The following HPSE2 variants were observed in gnomAD, a reference collection of about 807,000 sequenced individuals.
HPSE2 encodes heparanase 2 (inactive).
HPSE2 carries 38 observed loss-of-function variants against 60.5 expected under a neutral mutation model. The ratio of observed to expected loss-of-function variants is 0.63; its 90% CI spans 0.48 to 0.82. The LOEUF (loss-of-function observed/expected upper bound fraction) is 0.82, where lower values mean the gene tolerates loss of function less well. HPSE2 is among the 40% of genes least tolerant of loss of function. The pLI, the probability that HPSE2 is intolerant of heterozygous loss-of-function variation, is 0.00. For synonymous variants in HPSE2, 295 were observed against 293.2 expected (o/e 1.01, Z -0.06); for missense variants, 713 against 740.4 (o/e 0.96, Z 0.43).
intron 9 of HPSE2, among the ~76,000 whole-genome samples, chr10:98,504,813 C>T (rs963379798): frequency 2.6e-5 from 4 of 151,412 alleles, no homozygotes; most frequent in African/African-American, 9.7e-5. Flanking sequence ...AAAAAGCTAC[C>T]GTAATACCCA....
At chr10:99,206,339 G>A (rs909769167) in intron 2 of HPSE2, among the ~76,000 whole-genome samples, 1 of 152,110 alleles carries the variant, frequency 6.6e-6, no homozygotes, top group African/African-American at 2.4e-5. Flanking sequence ...AGTGTCTTAT[G>A]TCTGTAATCC....
At chr10:98,473,450 G>A (rs12356373) in intron 11 of HPSE2, among the ~76,000 whole-genome samples, 16 of 137,072 alleles carry the variant, frequency 1.2e-4, no homozygotes, top group African/African-American at 2.5e-4. Context: ...GCACCACTGC[G>A]CTCCAGCCTG....
At chr10:98,483,610 A>AGTGC (rs1941329865) in intron 10 of HPSE2, among the ~76,000 whole-genome samples, 1 of 152,156 alleles carries the variant, frequency 6.6e-6, no homozygotes, top group Non-Finnish European at 1.5e-5. Context: ...CTGCCCTACT[A>AGTGC]AGTGATCGCG....
intron 3 of HPSE2, among the ~76,000 whole-genome samples, chr10:98,904,333 G>T (rs776563446): frequency 6.6e-6 from 1 of 152,008 alleles, no homozygotes; most frequent in Non-Finnish European, 1.5e-5. Context: ...ATGGAAGAAG[G>T]GCTATAATGG....
intron 3 of HPSE2, among the ~76,000 whole-genome samples, chr10:98,804,271 TG>T (rs1454905685): frequency 2.0e-5 from 3 of 151,932 alleles, no homozygotes; most frequent in African/African-American, 7.3e-5. Flanking sequence ...AAAGCAAAAA[TG>T]GACAAATGGG....
chr10:99,025,519 A>T (rs1957358383), intron 3 of HPSE2, among the ~76,000 whole-genome samples: 1 of 152,186 alleles, frequency 6.6e-6, no homozygotes, highest in South Asian at 2.1e-4. Flanking sequence ...CTACACAGCC[A>T]TAAAAAAAGA....
intron 3 of HPSE2, among the ~76,000 whole-genome samples, chr10:98,777,412 A>G (rs1565156033): frequency 6.6e-6 from 1 of 152,216 alleles, no homozygotes; most frequent in Non-Finnish European, 1.5e-5. Flanking sequence ...TTGAATCTTC[A>G]TAATAACCAA....
At chr10:99,267,513 G>A in the HPSE2 span, among the ~76,000 whole-genome samples, 3 of 152,088 alleles carry the variant, frequency 2.0e-5, no homozygotes. Flanking sequence ...GCCGGGCATG[G>A]TGGCTCACGC....
At chr10:98,607,799 C>T (rs1352811079) in intron 9 of HPSE2, among the ~76,000 whole-genome samples, 1 of 152,096 alleles carries the variant, frequency 6.6e-6, no homozygotes, top group Middle Eastern at 3.2e-3. Flanking sequence ...ATGTCAACTA[C>T]ATATCAAATG....
intron 3 of HPSE2, among the ~76,000 whole-genome samples, chr10:98,755,434 A>G (rs1949855640): frequency 6.6e-6 from 1 of 152,194 alleles, no homozygotes; most frequent in South Asian, 2.1e-4. Flanking sequence ...GGAAACTTCA[A>G]CACCACACTG....
rs190608481 is a variant in HPSE2, at chr10:98,541,222, G to T, written c.1321-51026C>A. On this transcript the variant is annotated intron_variant, in intron 9 of 11. Transcript: ENST00000370552. ...TGTTAAAATTAAATTTTTAAAAGGC[G>T]ATCTTTGTTCTTTTGAAATGTACTG... is the stretch of plus-strand genomic sequence containing the variant. Among the ~76,000 whole-genome samples, 112 of 152,128 alleles carry T rather than the reference G, an allele frequency of 7.4e-4. 1 individual carries two copies. Among genetic ancestry groups the T allele is most frequent in the Non-Finnish European group, 1.5e-3 (101 of 68,034 alleles).
At chr10:98,747,554 G>A (rs1177537488) in intron 3 of HPSE2, among the ~76,000 whole-genome samples, 3 of 152,274 alleles carry the variant, frequency 2.0e-5, no homozygotes, top group Middle Eastern at 3.4e-3. Flanking sequence ...GAAACAGTAT[G>A]GATAGTTTGT....
At chr10:98,702,887 C>A (rs1948448339) in intron 5 of HPSE2, among the ~76,000 whole-genome samples, 1 of 151,852 alleles carries the variant, frequency 6.6e-6, no homozygotes, top group Non-Finnish European at 1.5e-5. Flanking sequence ...GAAGCAAGAG[C>A]CAACAAATCC....
chr10:98,975,336 A>C (rs1956059806), intron 3 of HPSE2, among the ~76,000 whole-genome samples: 1 of 151,898 alleles, frequency 6.6e-6, no homozygotes, highest in African/African-American at 2.4e-5. Flanking sequence ...TAAGACATTT[A>C]CTCTTTCTTC....
chr10:98,805,170 G>A (rs573670659), intron 3 of HPSE2, among the ~76,000 whole-genome samples: 55 of 152,100 alleles, frequency 3.6e-4, no homozygotes, highest in African/African-American at 1.3e-3. Flanking sequence ...CAGAGGAGGT[G>A]GTATGATTAA....
At chr10:98,551,827 CAA>C (rs1205643873) in intron 9 of HPSE2, among the ~76,000 whole-genome samples, 16 of 152,072 alleles carry the variant, frequency 1.1e-4, no homozygotes, top group African/African-American at 3.9e-4. Flanking sequence ...CACTGTATCC[CAA>C]ACTTGCCTGA....
intron 3 of HPSE2, among the ~76,000 whole-genome samples, chr10:99,080,165 G>T (rs1391293077): frequency 6.6e-6 from 1 of 152,148 alleles, no homozygotes; most frequent in African/African-American, 2.4e-5. Flanking sequence ...GGAAAGGAGA[G>T]TCTAGAGCTT....
chr10:99,123,150 A>G (rs760457485), intron 3 of HPSE2, among the ~76,000 whole-genome samples: 8 of 152,324 alleles, frequency 5.3e-5, no homozygotes, highest in Middle Eastern at 6.8e-3. Flanking sequence ...AAAGCTCTAA[A>G]TTAAAAACAG....
intron 2 of HPSE2, among the ~76,000 whole-genome samples, chr10:99,211,815 A>AT (rs1369937438): frequency 1.3e-5 from 2 of 152,116 alleles, no homozygotes; most frequent in African/African-American, 4.8e-5. Flanking sequence ...AATTTTTTGG[A>AT]TATGAACAGG....
Sources: gnomAD v4.1 joint callset for allele counts (sites outside exome capture counted in the v4.1 genomes callset) on GRCh38, gnomAD v4.1.1 for gene constraint, MANE v1.5 for transcripts, NCBI Gene and HGNC (gene_info 2026-07-23, HGNC 2026-07-21) for gene names.